KLHDC4: variants seen among roughly 807,000 people sequenced by gnomAD.
KLHDC4 encodes the protein kelch domain-containing protein 4.
A neutral mutation model predicts 62.4 loss-of-function variants in KLHDC4; 90 were observed. That is an observed-to-expected ratio of 1.44 (90% CI 1.22 to 1.72). The LOEUF is 1.72. Ranked by LOEUF, KLHDC4 falls within the 40% of genes most tolerant of loss-of-function variation. KLHDC4 has a pLI of 0.00. For missense variants in KLHDC4, 1,025 were observed against 699.7 expected, an observed-to-expected ratio of 1.47 and a Z score of -5.25; for synonymous variants, 386 against 284.4, an observed-to-expected ratio of 1.36 and a Z score of -3.59.
chr16:87,745,757 G>A (rs890018658), intron 5 of KLHDC4, among the ~76,000 whole-genome samples: 1 of 152,136 alleles, frequency 6.6e-6, no homozygotes, highest in African/African-American at 2.4e-5. Flanking sequence ...GAGGGCAAGG[G>A]CTCAGCACCC....
rs768816638 is a variant in KLHDC4 at position 87,756,492 on chromosome 16, A to G, written c.192-15T>C. 12 of 1,607,114 alleles carry G rather than the reference A, an allele frequency of 7.5e-6. No homozygotes were observed. In the East Asian group the frequency reaches 1.6e-4, roughly 21 times the overall value. Reference sequence around the variant, plus strand: ...AGGCATTTAACCTACAAGACACACAAGCGGCAGGTCAGCAAGATCACCCCC... The same window carrying G: ...AGGCATTTAACCTACAAGACACACAGGCGGCAGGTCAGCAAGATCACCCCC... On this transcript the variant is annotated splice_polypyrimidine_tract_variant and intron_variant, in intron 2 of 11. Transcript: ENST00000270583.
chr16:87,714,445 T>A, intron 8 of KLHDC4, 53 bp downstream of exon 8: 1 of 1,537,760 alleles, frequency 6.5e-7, no homozygotes, highest in Non-Finnish European at 8.8e-7. Flanking sequence ...GGGCTCTGCC[T>A]CCCGCCACAC....
At chr16:87,757,660 C>T (rs1417323776) in intron 2 of KLHDC4, among the ~76,000 whole-genome samples, 67 of 151,888 alleles carry the variant, frequency 4.4e-4, no homozygotes, top group Admixed American at 4.3e-3. Context: ...GAGGCTGAGG[C>T]GGGCAGATCA....
At chr16:87,757,068 G>T (rs981933961) in intron 2 of KLHDC4, among the ~76,000 whole-genome samples, 5 of 151,950 alleles carry the variant, frequency 3.3e-5, no homozygotes, top group African/African-American at 1.2e-4. Flanking sequence ...GCCCACCTCG[G>T]CCTCCCACAG....
chr16:87,714,023 A>T (rs529625188), intron 8 of KLHDC4, among the ~76,000 whole-genome samples: 53 of 152,174 alleles, frequency 3.5e-4, no homozygotes, highest in African/African-American at 1.2e-3. Flanking sequence ...CATGAGCAAC[A>T]CCGACCCCTG....
Position 87,741,590 on chromosome 16 carries a change from G to A in KLHDC4, c.506+7083C>T, listed in dbSNP as rs7192157. Among the ~76,000 whole-genome samples the A allele has an allele frequency of 4.3e-3, 652 of 152,176 alleles. 6 individuals are homozygous for A. Among genetic ancestry groups the A allele is most frequent in the African/African-American group, 0.015 (632 of 41,508 alleles). On this transcript the variant is annotated intron_variant, in intron 5 of 11. Transcript: ENST00000270583. ...ACCAGCGGTGGAAAAACTGTCTTCC[G>A]TGAAACCAGTCCCTGGTGCCGAAAA...
chr16:87,765,948 G>A lies in KLHDC4; in HGVS notation c.-58C>T, dbSNP rs912376019. ...GGAAAGAAAACGGCCCGCGCTCTCC[G>A]CTCGGAAACAGGTGCTCGTGGGGCG... On this transcript the variant is annotated 5_prime_UTR_variant, in exon 1 of 12. Transcript: ENST00000270583. 5 of 1,500,350 alleles carry A rather than the reference G, an allele frequency of 3.3e-6. No homozygotes were observed. The highest frequency in any genetic ancestry group is 2.5e-5 in the East Asian group (1 of 40,618). The allele number at this position is 1,500,350 out of a possible 1,614,324, so 92.9% of individuals were successfully genotyped here.
At chr16:87,760,867 T>C (rs2045780426) in intron 2 of KLHDC4, among the ~76,000 whole-genome samples, 1 of 151,680 alleles carries the variant, frequency 6.6e-6, no homozygotes, top group South Asian at 2.1e-4. Context: ...ACCCCATCTC[T>C]ACTAAAAATA....
chr16:87,702,888 G>C (rs2034219480), downstream of KLHDC4: 1 of 152,566 alleles, frequency 6.6e-6, no homozygotes, highest in Non-Finnish European at 1.5e-5. Context: ...GTTACCCTGA[G>C]CCTTTTTTCT....
chr16:87,714,998 G>A (rs1025871737), intron 7 of KLHDC4, among the ~76,000 whole-genome samples: 7 of 152,140 alleles, frequency 4.6e-5, no homozygotes, highest in African/African-American at 1.4e-4. Context: ...GTGTGCAGAG[G>A]GCAGGCACTG....
chr16:87,744,211 T>C (rs1178105140), intron 5 of KLHDC4, among the ~76,000 whole-genome samples: 1 of 150,270 alleles, frequency 6.7e-6, no homozygotes, highest in Non-Finnish European at 1.5e-5. Flanking sequence ...AGGTCAGGAG[T>C]TCAAGACCAG....
chr16:87,718,297 CT>C (rs2037417166), intron 7 of KLHDC4, among the ~76,000 whole-genome samples: 1 of 123,978 alleles, frequency 8.1e-6, no homozygotes, highest in African/African-American at 3.2e-5. Context: ...CTCCCTCTCC[CT>C]CTCCCTCCCC....
In KLHDC4 at chr16:87,709,527, C is replaced by T. The variant is rs1198429227; in HGVS notation, c.1185G>A (p.Val395=). ...VKEVVAEDGT[V]VTIKQVLTAP... is the part of the protein sequence containing the mutation. ...CGGTGAGCACCTGCTTAATGGTGAC[C>T]ACGGTGCCATCCTCGGCCACCACCT... Residue 395 remains valine (V), a synonymous_variant, in exon 10 of 12, where the codon GTG becomes GTA. Coordinates refer to ENST00000270583, the MANE Select transcript of KLHDC4 (RefSeq NM_017566.4). 4.3e-6 allele frequency: 7 copies of T among 1,612,226 alleles called. No individual in the cohort carries two copies. In the African/African-American group the frequency reaches 8.0e-5, roughly 18 times the overall value.
chr16:87,720,657 C>T (rs112080695), intron 7 of KLHDC4, among the ~76,000 whole-genome samples: 17 of 152,204 alleles, frequency 1.1e-4, no homozygotes, highest in African/African-American at 2.4e-4. Context: ...CCACGTGTCG[C>T]GAGAGCAGCA....
chr16:87,733,626 ACTG>A (rs2040785766), intron 5 of KLHDC4, among the ~76,000 whole-genome samples: 2 of 130,034 alleles, frequency 1.5e-5, no homozygotes, highest in South Asian at 5.4e-4. Context: ...TGGGATCCTC[ACTG>A]ATGACCTGCC....
In KLHDC4 at chr16:87,752,993, G is replaced by A. The variant is rs535602301; in HGVS notation, c.369+2201C>T. Among the ~76,000 whole-genome samples the A allele has an allele frequency of 1.2e-4, 19 of 152,328 alleles. No individual in the cohort carries two copies. In the South Asian group the frequency reaches 2.9e-3, roughly 23 times the overall value. On this transcript the variant is annotated intron_variant, in intron 4 of 11. Transcript: ENST00000270583. ...ACCTGAGAGCCAGGAAACACGCCAC[G>A]CAGCCCTGACCCATGACTCCAGCCC...
downstream of KLHDC4, among the ~76,000 whole-genome samples, chr16:87,704,913 G>GGC (rs996245330): frequency 6.4e-4 from 97 of 152,308 alleles, no homozygotes; most frequent in African/African-American, 2.3e-3. Context: ...CACAGAGCAT[G>GGC]GCGCGCATGG....
intron 6 of KLHDC4, among the ~76,000 whole-genome samples, chr16:87,729,159 G>A (rs1234512518): frequency 2.6e-5 from 4 of 152,052 alleles, no homozygotes; most frequent in South Asian, 2.1e-4. Context: ...TTTTCCCCCC[G>A]AATTCACAAA....
chr16:87,726,952 G>A (rs377645627), intron 6 of KLHDC4, 28 bp from the exon 7 acceptor site: 14 of 1,611,182 alleles, frequency 8.7e-6, no homozygotes, highest in African/African-American at 5.4e-5. Flanking sequence ...AGCTGTCAGG[G>A]TCCGTAACAT....
Sources: gnomAD v4.1 joint callset for allele counts (sites outside exome capture counted in the v4.1 genomes callset) on GRCh38, gnomAD v4.1.1 for gene constraint, MANE v1.5 for transcripts, NCBI Gene and HGNC (gene_info 2026-07-23, HGNC 2026-07-21) for gene names.